Variants in PLEKHA6 observed in about 807,000 individuals in gnomAD.
The protein encoded by PLEKHA6 is pleckstrin homology domain containing A6.
A neutral mutation model predicts 116.7 loss-of-function variants in PLEKHA6; 60 were observed. That is an observed-to-expected ratio of 0.51 (90% confidence interval 0.42 to 0.64). The LOEUF (loss-of-function observed/expected upper bound fraction) is 0.64, where lower values mean the gene tolerates loss of function less well. PLEKHA6 is among the 30% of genes least tolerant of loss of function. PLEKHA6 has a pLI of 0.00. For synonymous variants in PLEKHA6, 489 were observed against 556.1 expected (o/e 0.88, Z 1.70); for missense variants, 1,338 against 1,422.7 (o/e 0.94, Z 0.96).
chr1:204,240,062 A>G (rs1662586667), intron 17 of PLEKHA6, among the ~76,000 whole-genome samples: 1 of 152,238 alleles, frequency 6.6e-6, no homozygotes, highest in African/African-American at 2.4e-5. Flanking sequence ...TTAAATCAAC[A>G]GGCTAAGAAG....
At chr1:204,295,867 C>T (rs780551573) in intron 1 of PLEKHA6, among the ~76,000 whole-genome samples, 16 of 152,296 alleles carry the variant, frequency 1.1e-4, no homozygotes, top group South Asian at 2.1e-4. Flanking sequence ...TGAGCCAACA[C>T]GAGCCTCCTG....
intron 1 of PLEKHA6, among the ~76,000 whole-genome samples, chr1:204,376,026 A>C (rs1455285973): frequency 6.6e-6 from 1 of 151,952 alleles, no homozygotes; most frequent in Non-Finnish European, 1.5e-5. Flanking sequence ...AGCATCATGC[A>C]AATGCCTCAA....
At chr1:204,249,143 C>T (rs751947216) in intron 11 of PLEKHA6, 41 bp downstream of exon 11, 10 of 1,549,682 alleles carry the variant, frequency 6.5e-6, no homozygotes, top group South Asian at 3.4e-5. Context: ...AAGCCAGCCT[C>T]GCCCATCTGC....
chr1:204,268,224 C>G lies in PLEKHA6; in HGVS notation c.191G>C (p.Gly64Ala). The G allele has an allele frequency of 6.2e-7, 1 of 1,610,938 alleles. No homozygotes were observed. Among genetic ancestry groups the G allele is most frequent in the Non-Finnish European group, 8.5e-7 (1 of 1,178,484 alleles). The change falls in exon 4 of 23, where the codon GGC becomes GCC. Residue 64 changes from glycine (G) to alanine (A), a missense_variant. By Grantham distance (60) the Gly-to-Ala change is moderately conservative (BLOSUM62 0). This residue lies in a region of PLEKHA6 where 140 missense variants were observed against 197.4 expected (regional missense o/e 0.71). Coordinates refer to ENST00000272203, the MANE Select transcript of PLEKHA6 (RefSeq NM_014935.5). ...TGGCCTCACCTGTTTGAAGAGCCAGCCCGCCTTGGTGACAGGTGCATTGGG... is the reference window on the plus strand; with the variant it reads ...TGGCCTCACCTGTTTGAAGAGCCAGGCCGCCTTGGTGACAGGTGCATTGGG... ...RNPNAPVTKA[G>A]WLFKQASSGV... is the part of the protein sequence containing the mutation.
chr1:204,240,215 T>C (rs2102539273), intron 17 of PLEKHA6, among the ~76,000 whole-genome samples: 1 of 152,300 alleles, frequency 6.6e-6, no homozygotes, highest in South Asian at 2.1e-4. Context: ...GATCCTGTGA[T>C]TAAGGTCAAT....
At position 204,248,897 on chromosome 1, in the gene PLEKHA6, T is replaced by C; in HGVS notation, c.1748A>G (p.Glu583Gly). 2 of 1,614,190 alleles carry C rather than the reference T, an allele frequency of 1.2e-6. No individual in the cohort carries two copies. The highest frequency in any genetic ancestry group is 1.7e-6 in the Non-Finnish European group (2 of 1,180,030). The change falls in exon 12 of 23, where the codon GAA becomes GGA. Residue 583 changes from glutamate (E) to glycine (G), a missense_variant. Physicochemically the swap from Glu to Gly is moderately conservative, Grantham distance 98 (BLOSUM62 -2). Around this residue, in one of 3 missense-constraint regions of PLEKHA6, gnomAD observed 1,136 missense variants for 1,163.6 expected, o/e 0.98. Transcript: ENST00000272203. Reference protein sequence around the residue: ...EMFGSQPAYPEKLRHKKDSLQ... With the variant: ...EMFGSQPAYPGKLRHKKDSLQ... ...TGAATCCTTTTTGTGTCGCAGCTTT[T>C]CTGGGTAGGCGGGCTGGCTTCCAAA...
chr1:204,315,715 A>G (rs986401626), intron 1 of PLEKHA6, among the ~76,000 whole-genome samples: 1 of 152,172 alleles, frequency 6.6e-6, no homozygotes, highest in Non-Finnish European at 1.5e-5. Context: ...GGAAACCCTA[A>G]TCTAGAGAGT....
Position 204,220,841 on chromosome 1 carries a change from G to C in PLEKHA6, c.*1947C>G, listed in dbSNP as rs1452442977. On this transcript the variant is annotated 3_prime_UTR_variant, in exon 23 of 23. Coordinates refer to ENST00000272203, the MANE Select transcript of PLEKHA6 (RefSeq NM_014935.5). ...TAAGAGATGAGAGAGAGGTGGCAGAGGCGCAGACATTATTTCTTGGTATTT... is the reference window on the plus strand; with the variant it reads ...TAAGAGATGAGAGAGAGGTGGCAGACGCGCAGACATTATTTCTTGGTATTT... 1.3e-5 allele frequency: 2 copies of C among 152,330 alleles called. No homozygotes were observed. The highest frequency in any genetic ancestry group is 2.9e-5 in the Non-Finnish European group (2 of 68,018). The allele number at this position is 152,330 out of a possible 1,614,324, so 9.4% of individuals were successfully genotyped here. A position where few individuals can be genotyped will look rare whatever the true frequency, so the allele number is the denominator to read the frequency against.
intron 1 of PLEKHA6, chr1:204,301,431 G>A (rs950511944): frequency 1.2e-5 from 12 of 985,268 alleles, no homozygotes; most frequent in African/African-American, 1.7e-5. Context: ...TAGAGCTGGC[G>A]GAGGCAATGT....
chr1:204,285,468 T>G (rs1007913608), intron 1 of PLEKHA6, among the ~76,000 whole-genome samples: 6 of 136,950 alleles, frequency 4.4e-5, no homozygotes, highest in Admixed American at 3.1e-4. Flanking sequence ...GGTTTTTTTT[T>G]GGTTGTTTTT....
At chr1:204,353,128 T>G (rs1353552804) in intron 1 of PLEKHA6, among the ~76,000 whole-genome samples, 3 of 152,228 alleles carry the variant, frequency 2.0e-5, no homozygotes, top group African/African-American at 7.2e-5. Context: ...CCATGCTGTC[T>G]CTACCACATC....
intron 3 of PLEKHA6, among the ~76,000 whole-genome samples, chr1:204,271,153 T>C (rs568280902): frequency 8.5e-5 from 13 of 152,318 alleles, no homozygotes; most frequent in African/African-American, 3.1e-4. Flanking sequence ...CAGATATTGT[T>C]TGTGTTAGTG....
intron 1 of PLEKHA6, among the ~76,000 whole-genome samples, chr1:204,375,909 CAA>C (rs1391396018): frequency 1.0e-5 from 1 of 98,386 alleles, no homozygotes. Context: ...CCTCTACTTC[CAA>C]GGCTTCTTTC....
chr1:204,366,967 G>A (rs929547032), intron 3 of PLEKHA6, among the ~76,000 whole-genome samples: 7 of 152,212 alleles, frequency 4.6e-5, no homozygotes, highest in Non-Finnish European at 8.8e-5. Flanking sequence ...CCCTCTGGTG[G>A]TGCCATTGCC....
chr1:204,369,365 G>C (rs931050997), intron 2 of PLEKHA6: 1 of 151,916 alleles, frequency 6.6e-6, no homozygotes, highest in Admixed American at 6.5e-5. Context: ...TGTCTCCAAA[G>C]CCCACACTCT....
At chr1:204,351,477 A>G (rs1435268428) in intron 1 of PLEKHA6, among the ~76,000 whole-genome samples, 1 of 152,174 alleles carries the variant, frequency 6.6e-6, no homozygotes, top group Non-Finnish European at 1.5e-5. Context: ...GCCCTTCCTG[A>G]GCATATCCAG....
At chr1:204,337,111 A>G (rs1273559192) in intron 1 of PLEKHA6, among the ~76,000 whole-genome samples, 1 of 152,160 alleles carries the variant, frequency 6.6e-6, no homozygotes, top group Non-Finnish European at 1.5e-5. Flanking sequence ...AAACAATCCA[A>G]TCTCCTCTGC....
chr1:204,342,653 A>G (rs952944696), intron 1 of PLEKHA6, among the ~76,000 whole-genome samples: 4 of 152,208 alleles, frequency 2.6e-5, no homozygotes, highest in Non-Finnish European at 5.9e-5. Context: ...CATGAAGACC[A>G]AGGATTTAGA....
chr1:204,325,946 G>A (rs969963066), intron 1 of PLEKHA6: 87 of 983,004 alleles, frequency 8.9e-5, no homozygotes, highest in Non-Finnish European at 9.8e-5. Flanking sequence ...TATAGACTGG[G>A]CTGAACACAA....
Sources: gnomAD v4.1 joint callset for allele counts (sites outside exome capture counted in the v4.1 genomes callset) on GRCh38, gnomAD v4.1.1 for gene constraint, gnomAD v4.1.1 regional missense constraint, MANE v1.5 for transcripts, NCBI Gene and HGNC (gene_info 2026-07-23, HGNC 2026-07-21) for gene names.